ZNF7: variants seen among roughly 807,000 people sequenced by gnomAD.
ZNF7 encodes C2-H2 type zinc finger protein.
ZNF7 carries 10 observed loss-of-function variants against 12.0 expected under a neutral mutation model. That is an observed-to-expected ratio of 0.83 (90% CI 0.51 to 1.42). The LOEUF (loss-of-function observed/expected upper bound fraction) is 1.42. ZNF7 is among the 40% of genes most tolerant of loss of function. The probability of loss-of-function intolerance (pLI) is 0.00; values close to 1 mark genes in which losing one functional copy is unlikely to be tolerated. For synonymous variants in ZNF7, 334 were observed against 295.0 expected, an observed-to-expected ratio of 1.13 and a Z score of -1.35; for missense variants, 854 against 837.2, an observed-to-expected ratio of 1.02 and a Z score of -0.25.
At chr8:144,837,925 G>A in intron 4 of ZNF7, 1 of 624,892 alleles carries the variant, frequency 1.6e-6, no homozygotes, top group East Asian at 2.7e-5. Context: ...CAGGCTCCAG[G>A]AGTGCATTAC....
Position 144,841,666 on chromosome 8 carries a change from CAG to C in ZNF7, c.560_561del (p.Gln187ArgfsTer31), listed in dbSNP as rs1220579136. The C allele has an allele frequency of 6.2e-7, 1 of 1,614,144 alleles. No homozygotes were observed. The highest frequency in any genetic ancestry group is 2.2e-5 in the East Asian group (1 of 44,882). On this transcript the variant is annotated frameshift_variant, in exon 5 of 5. Coordinates refer to ENST00000532777, the MANE Select transcript of ZNF7 (RefSeq NM_003416.4). LOFTEE classifies it low-confidence loss of function (END_TRUNC). ...CCTGGATTGTCAGCCTCTTGAAAGT[CAG>C]GGAGAGAGTGCGGAAGGGATGTCCC... ...SGLDCQPLES[Q>X]GESAEGMSQR...
At chr8:144,837,266 C>A in intron 3 of ZNF7, 125 bp from the exon 4 acceptor site, 4 of 702,760 alleles carry the variant, frequency 5.7e-6, no homozygotes, top group Non-Finnish European at 9.5e-6. Context: ...ACTCTCCCTG[C>A]AGGAGCTTGG....
chr8:144,841,281 G>T, intron 4 of ZNF7, 74 bp from the exon 5 acceptor site: 1 of 1,462,510 alleles, frequency 6.8e-7, no homozygotes, highest in Non-Finnish European at 9.2e-7. Flanking sequence ...TTGAGCCCTG[G>T]CCCCCGCATT....
At chr8:144,839,662 CG>C (rs1829598789) in intron 4 of ZNF7, among the ~76,000 whole-genome samples, 1 of 152,212 alleles carries the variant, frequency 6.6e-6, no homozygotes, top group South Asian at 2.1e-4. Flanking sequence ...CCTGAGAGTC[CG>C]GGGCAGGGAT....
Position 144,832,616 on chromosome 8 carries a change from T to A in ZNF7, c.130+3012T>A, listed in dbSNP as rs1353287125. ...GGTGGCGGGTGGTTGTAATCTTGGCTTCTCAGGAGGCTGAGGCAGGAGAAT... is the reference window on the plus strand; with the variant it reads ...GGTGGCGGGTGGTTGTAATCTTGGCATCTCAGGAGGCTGAGGCAGGAGAAT... On this transcript the variant is annotated intron_variant, in intron 3 of 4. Transcript: ENST00000532777. 6.6e-5 allele frequency among the ~76,000 whole-genome samples: 10 copies of A among 151,986 alleles called. No individual in the cohort carries two copies. In the South Asian group the frequency reaches 1.9e-3, roughly 29 times the overall value.
rs374571392 is a variant in ZNF7, at chr8:144,842,118, T to C, written c.1011T>C (p.Arg337=). ...CAGGAGAGAGGCCCTATGGTTGTCG[T>C]GAGTGTGGGAAAGCCTTCAGCCAGC... The part of the protein sequence containing the change: ...IHTGERPYGC[R]ECGKAFSQQS... The change falls in exon 5 of 5, where the codon CGT becomes CGC. Residue 337 remains arginine, a synonymous_variant. Coordinates refer to ENST00000532777, the MANE Select transcript of ZNF7 (RefSeq NM_003416.4). The C allele has an allele frequency of 5.4e-5, 87 of 1,613,786 alleles. No individual in the cohort carries two copies. The highest frequency in any genetic ancestry group is 1.6e-4 in the Middle Eastern group (1 of 6,084).
intron 3 of ZNF7, chr8:144,836,394 A>G (rs1007481397): frequency 1.3e-5 from 2 of 152,264 alleles, no homozygotes; most frequent in African/African-American, 4.8e-5. Context: ...TCTGACTCAT[A>G]ATAAATACAG....
In ZNF7 at chr8:144,842,520, TGA is replaced by T. The variant is rs1830074124; in HGVS notation, c.1414_1415del (p.Asp472Ter). On this transcript the variant is annotated frameshift_variant, in exon 5 of 5. Coordinates refer to ENST00000532777, the MANE Select transcript of ZNF7 (RefSeq NM_003416.4). LOFTEE classifies it low-confidence loss of function (END_TRUNC). ...THTGEKPFKCDECGKGFVQGS... is the reference protein window; with the variant it reads ...THTGEKPFKCXECGKGFVQGS... ...ACACTGGAGAAAAACCATTTAAATG[TGA>T]TGAGTGTGGCAAAGGCTTTGTTCAG... is the stretch of plus-strand genomic sequence containing the variant. 1 of 1,614,076 alleles carries T rather than the reference TGA, an allele frequency of 6.2e-7. No individual in the cohort carries two copies. The highest frequency in any genetic ancestry group is 8.5e-7 in the Non-Finnish European group (1 of 1,180,000).
chr8:144,838,196 C>T, intron 4 of ZNF7: 1 of 699,748 alleles, frequency 1.4e-6, no homozygotes, highest in Non-Finnish European at 2.6e-6. Context: ...CTGCCTTCTC[C>T]CTGCGTGTCT....
At chr8:144,846,050 G>C, downstream of ZNF7, 1 of 1,536,616 alleles carries the variant, frequency 6.5e-7, no homozygotes, top group South Asian at 1.2e-5. Context: ...TCCTGTTCCT[G>C]GCCTTCCAAA....
chr8:144,838,723 A>G (rs1829402397), intron 4 of ZNF7: 1 of 152,500 alleles, frequency 6.6e-6, no homozygotes, highest in Admixed American at 6.5e-5. Flanking sequence ...TGGGCGGATC[A>G]CGAGGTCAGG....
chr8:144,837,888 CCT>C, intron 4 of ZNF7: 1 of 580,728 alleles, frequency 1.7e-6, no homozygotes, highest in Non-Finnish European at 3.1e-6. Context: ...AAGCATATTC[CCT>C]GAGGCAGCTC....
intron 2 of ZNF7, 183 bp downstream of exon 2, chr8:144,829,273 G>C: frequency 6.5e-7 from 1 of 1,531,586 alleles, no homozygotes; most frequent in Non-Finnish European, 8.8e-7. Flanking sequence ...TGAGGCTCTT[G>C]AGGGGGGAGG....
chr8:144,843,164 G>C lies in ZNF7; in HGVS notation c.2057G>C (p.Gly686Ala). The stretch of plus-strand genomic sequence containing the variant: ...ACCCAGCATCAAAAAATTCACATGG[G>C]ATAGACCACTTACATATAAATGTGT... ...RLTQHQKIHM[G>A] Residue 686 changes from glycine to alanine, a missense_variant, in exon 5 of 5, where the codon GGA becomes GCA. Coordinates refer to ENST00000532777, the MANE Select transcript of ZNF7 (RefSeq NM_003416.4). 1.3e-6 allele frequency: 2 copies of C among 1,575,358 alleles called. No homozygotes were observed. Among genetic ancestry groups the C allele is most frequent in the Non-Finnish European group, 1.7e-6 (2 of 1,164,550 alleles).
At position 144,841,283 on chromosome 8, in the gene ZNF7, C is replaced by T. The variant is rs1300549099; in HGVS notation, c.248-72C>T. ...TATCCTGGGAGCCTTGAGCCCTGGCCCCCGCATTTGTAGTCTTATCATTTC... is the reference window on the plus strand; with the variant it reads ...TATCCTGGGAGCCTTGAGCCCTGGCTCCCGCATTTGTAGTCTTATCATTTC... On this transcript the variant is annotated intron_variant, in intron 4 of 4. Transcript: ENST00000532777. The T allele has an allele frequency of 3.4e-6, 5 of 1,464,944 alleles. No homozygotes were observed. The East Asian group carries it at 1.1e-4, about 33-fold the overall frequency. The allele number at this position is 1,464,944 out of a possible 1,614,324, so 90.7% of individuals were successfully genotyped here.
chr8:144,843,084 G>A lies in ZNF7; in HGVS notation c.1977G>A (p.Glu659=). ...LIIHQRIHTG[E]KPYKCNDCGK... Reference sequence around the variant, plus strand: ...TACACCAGAGAATTCACACCGGGGAGAAGCCTTATAAATGCAATGACTGTG... The same window carrying A: ...TACACCAGAGAATTCACACCGGGGAAAAGCCTTATAAATGCAATGACTGTG... Residue 659 remains glutamate (E), a synonymous_variant, in exon 5 of 5, where the codon GAG becomes GAA. Coordinates refer to ENST00000532777, the MANE Select transcript of ZNF7 (RefSeq NM_003416.4). The A allele has an allele frequency of 6.2e-7, 1 of 1,613,468 alleles. No individual in the cohort carries two copies. Among genetic ancestry groups the A allele is most frequent in the African/African-American group, 1.3e-5 (1 of 75,022 alleles).
chr8:144,845,919 A>G (rs1430467274), downstream of ZNF7: 1 of 1,495,700 alleles, frequency 6.7e-7, no homozygotes, highest in Non-Finnish European at 8.9e-7. Context: ...TAATGTGCTT[A>G]GCCAGGTGGT....
rs768258844 is a variant in ZNF7, at chr8:144,842,867, G to A, written c.1760G>A (p.Gly587Glu). The change falls in exon 5 of 5, where the codon GGA (glycine) becomes GAA (glutamate). Residue 587 changes from glycine to glutamate, a missense_variant. By Grantham distance (98) the Gly-to-Glu change is moderately conservative (BLOSUM62 -2). Transcript: ENST00000532777. ...AAGCCCTATGAGTGCAGTGAGTGTG[G>A]AAAAGCCTTCAGCCGGAGCTCATAT... ...GVKPYECSEC[G>E]KAFSRSSYLI... 3.7e-6 allele frequency: 6 copies of A among 1,614,216 alleles called. No homozygotes were observed. Among genetic ancestry groups the A allele is most frequent in the Non-Finnish European group, 5.1e-6 (6 of 1,180,050 alleles).
At chr8:144,833,284 C>G (rs1435167210) in intron 3 of ZNF7, among the ~76,000 whole-genome samples, 1 of 151,586 alleles carries the variant, frequency 6.6e-6, no homozygotes, top group Non-Finnish European at 1.5e-5. Flanking sequence ...GTTTCTGAAC[C>G]CTGTTCTCTT....
Sources: gnomAD v4.1 joint callset for allele counts (sites outside exome capture counted in the v4.1 genomes callset) on GRCh38, gnomAD v4.1.1 for gene constraint, MANE v1.5 for transcripts, NCBI Gene and HGNC (gene_info 2026-07-23, HGNC 2026-07-21) for gene names.